TMEM40: variants seen among roughly 807,000 people sequenced by gnomAD.
TMEM40 encodes transmembrane protein 40.
Under a neutral mutation model 40.8 loss-of-function variants are expected in TMEM40, and 34 were observed. The ratio of observed to expected loss-of-function variants is 0.83; its 90% CI spans 0.63 to 1.11. TMEM40 has a LOEUF of 1.11. Ranked by LOEUF, TMEM40 falls within the 50% of genes least tolerant of loss-of-function variation. The pLI, the probability that TMEM40 is intolerant of heterozygous loss-of-function variation, is 0.00. For missense variants in TMEM40, 296 were observed against 280.2 expected, an observed-to-expected ratio of 1.06 and a Z score of -0.40; for synonymous variants, 106 against 107.0, an observed-to-expected ratio of 0.99 and a Z score of 0.06.
At chr3:12,755,220 TC>T (rs1392655476) in intron 1 of TMEM40, among the ~76,000 whole-genome samples, 12 of 80,126 alleles carry the variant, frequency 1.5e-4, no homozygotes, top group African/African-American at 9.4e-4. Context: ...TCTTTCTCTC[TC>T]TCTCTCTCTC....
In TMEM40 at chr3:12,736,781, C is replaced by T; in HGVS notation, c.527G>A (p.Cys176Tyr). Residue 176 changes from cysteine (C) to tyrosine (Y), a missense_variant, in exon 9 of 12, where the codon TGT (cysteine) becomes TAT (tyrosine). By Grantham distance (194) the Cys-to-Tyr change is radical. Coordinates refer to ENST00000314124, the MANE Select transcript of TMEM40 (RefSeq NM_018306.4). Reference protein sequence around the residue: ...LCFAIGALLVCYHYYADWFMS... With the variant: ...LCFAIGALLVYYHYYADWFMS... Reference sequence around the variant, plus strand: ...CCCCTCACCTGCGTAATAGTGATAACACACCAGCAAGGCCCCGATGGCAAA... The same window carrying T: ...CCCCTCACCTGCGTAATAGTGATAATACACCAGCAAGGCCCCGATGGCAAA... 1 of 1,614,150 alleles carries T rather than the reference C, an allele frequency of 6.2e-7. No individual in the cohort carries two copies. Among genetic ancestry groups the T allele is most frequent in the Non-Finnish European group, 8.5e-7 (1 of 1,180,024 alleles).
chr3:12,747,674 C>T (rs1432908752), intron 3 of TMEM40, among the ~76,000 whole-genome samples: 2 of 151,944 alleles, frequency 1.3e-5, no homozygotes, highest in East Asian at 3.9e-4. Context: ...CTTTGGGAGG[C>T]CGAGGTGGGC....
At position 12,738,593 on chromosome 3, in the gene TMEM40, A is replaced by T; in HGVS notation, c.356-5T>A. On this transcript the variant is annotated splice_polypyrimidine_tract_variant and splice_region_variant and intron_variant, in intron 5 of 11. Transcript: ENST00000314124. ...GTACCACCTCTCCAGGAGCATCTGC[A>T]CAGAAAGGAAATCAGTGATCATATA... The T allele has an allele frequency of 6.2e-7, 1 of 1,613,948 alleles. No homozygotes were observed. The highest frequency in any genetic ancestry group is 8.5e-7 in the Non-Finnish European group (1 of 1,179,934).
chr3:12,767,930 G>A (rs750226846), intron 1 of TMEM40, among the ~76,000 whole-genome samples: 1 of 152,100 alleles, frequency 6.6e-6, no homozygotes, highest in Non-Finnish European at 1.5e-5. Context: ...TCATAGTTAC[G>A]GACTCAAGAG....
chr3:12,764,671 A>G (rs1257633926), intron 1 of TMEM40, among the ~76,000 whole-genome samples: 1 of 152,144 alleles, frequency 6.6e-6, no homozygotes, highest in Non-Finnish European at 1.5e-5. Context: ...CAGTTGTTTC[A>G]CCTGTAAAAT....
At chr3:12,755,274 T>C in intron 1 of TMEM40, among the ~76,000 whole-genome samples, 1 of 125,990 alleles carries the variant, frequency 7.9e-6, no homozygotes, top group African/African-American at 3.8e-5. Context: ...TTTCTTTCTT[T>C]CTTTCTTTCT....
intron 1 of TMEM40, among the ~76,000 whole-genome samples, chr3:12,750,328 C>T (rs1473109044): frequency 6.6e-6 from 1 of 151,984 alleles, no homozygotes; most frequent in East Asian, 1.9e-4. Flanking sequence ...AACTCCAATC[C>T]CACAAACATG....
chr3:12,745,187 G>A (rs1409284400), intron 3 of TMEM40, among the ~76,000 whole-genome samples: 1 of 150,018 alleles, frequency 6.7e-6, no homozygotes, highest in Non-Finnish European at 1.5e-5. Flanking sequence ...AGCCTCCTAA[G>A]TAGCTCAGAT....
upstream of TMEM40, among the ~76,000 whole-genome samples, chr3:12,763,053 G>C (rs1016434454): frequency 6.7e-6 from 1 of 148,812 alleles, no homozygotes; most frequent in East Asian, 2.0e-4. Flanking sequence ...CCAGCTACTC[G>C]GGAGGCTGAG....
intron 3 of TMEM40, among the ~76,000 whole-genome samples, chr3:12,747,121 A>T (rs1166745475): frequency 2.6e-5 from 4 of 151,802 alleles, no homozygotes; most frequent in Non-Finnish European, 1.5e-5. Flanking sequence ...TGCTGAAATG[A>T]TCATTGATTT....
At chr3:12,742,178 C>T (rs1019654348) in intron 5 of TMEM40, among the ~76,000 whole-genome samples, 1 of 152,076 alleles carries the variant, frequency 6.6e-6, no homozygotes, top group African/African-American at 2.4e-5. Flanking sequence ...TGCAGTGAGC[C>T]AAGATCACAC....
rs149304389 is a variant in TMEM40 at position 12,741,720 on chromosome 3, A to C, written c.355+734T>G. Among the ~76,000 whole-genome samples the C allele has an allele frequency of 9.9e-3, 1,498 of 151,788 alleles. 22 individuals carry two copies. The highest frequency in any genetic ancestry group is 0.016 in the Admixed American group (250 of 15,216). On this transcript the variant is annotated intron_variant, in intron 5 of 11. Transcript: ENST00000314124. ...AGTGAAACCTTTCTTAAATTACTTG[A>C]GTAATTAAACGCATTTTTCTAAACC... is the stretch of plus-strand genomic sequence containing the variant.
intron 1 of TMEM40, among the ~76,000 whole-genome samples, chr3:12,765,599 G>A (rs1025151991): frequency 3.5e-5 from 5 of 141,852 alleles, no homozygotes; most frequent in African/African-American, 1.3e-4. Context: ...ACGGAGTCTC[G>A]CTCTGTTGCC....
intron 1 of TMEM40, among the ~76,000 whole-genome samples, chr3:12,768,025 C>T (rs2061602400): frequency 1.3e-5 from 2 of 152,290 alleles, no homozygotes; most frequent in South Asian, 2.1e-4. Flanking sequence ...GTCTCACTGA[C>T]TTCAAGAATG....
intron 1 of TMEM40, among the ~76,000 whole-genome samples, chr3:12,767,804 C>T (rs1351587687): frequency 1.3e-5 from 2 of 152,104 alleles, no homozygotes; most frequent in African/African-American, 4.8e-5. Context: ...ACCTTGAGGA[C>T]CTACTGGGGC....
intron 11 of TMEM40, 108 bp from the exon 12 acceptor site, chr3:12,734,901 T>C: frequency 7.5e-7 from 1 of 1,333,976 alleles, no homozygotes; most frequent in Non-Finnish European, 1.0e-6. Flanking sequence ...CATGATGTAG[T>C]CACCCCAGAA....
chr3:12,766,099 A>G (rs934588493), intron 1 of TMEM40, among the ~76,000 whole-genome samples: 6 of 146,580 alleles, frequency 4.1e-5, no homozygotes, highest in East Asian at 4.1e-4. Context: ...GGCTCAAGCA[A>G]TCCTCCCACT....
intron 1 of TMEM40, among the ~76,000 whole-genome samples, chr3:12,751,531 A>G (rs961300007): frequency 4.0e-5 from 6 of 150,748 alleles, no homozygotes; most frequent in Non-Finnish European, 8.9e-5. Context: ...GCCCGCCTTG[A>G]CCTCCCAAAG....
intron 1 of TMEM40, among the ~76,000 whole-genome samples, chr3:12,754,965 TTCTC>T (rs199677863): frequency 3.3e-5 from 5 of 150,586 alleles, no homozygotes; most frequent in East Asian, 1.9e-4. Flanking sequence ...CTTTCTTTCT[TTCTC>T]TTTTTTCTTT....
Sources: allele counts gnomAD v4.1 joint callset (sites outside exome capture counted in the v4.1 genomes callset), GRCh38; gene constraint gnomAD v4.1.1; transcripts MANE v1.5; gene names NCBI Gene and HGNC (gene_info 2026-07-23, HGNC 2026-07-21).